Variants in ACSM6 observed in about 807,000 individuals in gnomAD.
ACSM6 encodes acyl-CoA synthetase medium chain family member 6, also known as acyl-coenzyme A synthetase ACSM6, mitochondrial.
A neutral mutation model predicts 51.1 loss-of-function variants in ACSM6; 35 were observed. The ratio of observed to expected loss-of-function variants is 0.69; its 90% confidence interval spans 0.52 to 0.91. ACSM6 has a LOEUF of 0.91. Among genes scored for constraint, ACSM6 ranks in the 40% least tolerant of loss-of-function variants. The probability of loss-of-function intolerance (pLI) is 0.00; values close to 1 mark genes in which losing one functional copy is unlikely to be tolerated. For synonymous variants in ACSM6, 172 were observed against 207.3 expected (o/e 0.83, Z 1.46); for missense variants, 509 against 584.1 (o/e 0.87, Z 1.32).
At chr10:95,225,494 T>C (rs2035029213) in intron 10 of ACSM6, 103 bp downstream of exon 10, 1 of 909,750 alleles carries the variant, frequency 1.1e-6, no homozygotes, top group Non-Finnish European at 1.6e-6. Flanking sequence ...TTTGTCCCAA[T>C]TTTTAATTTT....
rs1272721040 is a variant in ACSM6, at chr10:95,214,486, T to C, written c.996-366T>C. On this transcript the variant is annotated intron_variant, in intron 7 of 10. Transcript: ENST00000341686. ...CCACCTCCAGACTTCAGAAAATTAG[T>C]TCCTTTTTTACCTTACCATTGCTGA... 2.0e-5 allele frequency among the ~76,000 whole-genome samples: 3 copies of C among 152,328 alleles called. No individual in the cohort carries two copies. In the East Asian group the frequency reaches 5.8e-4, roughly 29 times the overall value.
chr10:95,228,406 G>A, intron 10 of ACSM6: 1 of 433,300 alleles, frequency 2.3e-6, no homozygotes, highest in South Asian at 4.2e-5. Flanking sequence ...TCTGAGTGAA[G>A]TGCCATCATT....
chr10:95,196,184 T>C (rs769081348), intron 2 of ACSM6, among the ~76,000 whole-genome samples: 11 of 152,226 alleles, frequency 7.2e-5, no homozygotes, highest in Admixed American at 2.6e-4. Context: ...AGAGCCTTGT[T>C]CCTTTGCTCA....
chr10:95,225,475 C>A, intron 10 of ACSM6, 84 bp downstream of exon 10: 1 of 994,630 alleles, frequency 1.0e-6, no homozygotes, highest in South Asian at 2.0e-5. Flanking sequence ...TTATGATTTG[C>A]CAAATACTTT....
intron 9 of ACSM6, among the ~76,000 whole-genome samples, chr10:95,222,837 G>A (rs973828162): frequency 2.1e-5 from 3 of 142,752 alleles, no homozygotes; most frequent in Non-Finnish European, 4.4e-5. Flanking sequence ...GATATATTAA[G>A]TGTTCTTATT....
intron 3 of ACSM6, 43 bp from the exon 4 acceptor site, chr10:95,207,165 C>A: frequency 6.3e-7 from 1 of 1,593,120 alleles, no homozygotes; most frequent in Non-Finnish European, 8.6e-7. Context: ...AAATTCTCTA[C>A]TCAAAAGATA....
chr10:95,197,783 G>T (rs61871155), intron 2 of ACSM6, among the ~76,000 whole-genome samples: 14 of 151,102 alleles, frequency 9.3e-5, no homozygotes, highest in African/African-American at 2.2e-4. Context: ...ACGGGTGTCG[G>T]GCTGGGGGAC....
At chr10:95,199,164 T>C (rs905022247) in intron 2 of ACSM6, among the ~76,000 whole-genome samples, 3 of 152,146 alleles carry the variant, frequency 2.0e-5, no homozygotes, top group Non-Finnish European at 4.4e-5. Context: ...TATAGATCAA[T>C]GGAACAAAAC....
chr10:95,202,263 A>G, intron 3 of ACSM6, 68 bp downstream of exon 3: 1 of 1,326,542 alleles, frequency 7.5e-7, no homozygotes, highest in Non-Finnish European at 1.1e-6. Flanking sequence ...TTATTCACAG[A>G]ATGGAGATGT....
chr10:95,201,157 G>A (rs1015087562), intron 2 of ACSM6, among the ~76,000 whole-genome samples: 1 of 152,204 alleles, frequency 6.6e-6, no homozygotes. Flanking sequence ...ACAGGATCAT[G>A]CCCTGAGAAA....
intron 2 of ACSM6, among the ~76,000 whole-genome samples, chr10:95,198,860 A>G (rs1049081957): frequency 6.6e-6 from 1 of 152,060 alleles, no homozygotes; most frequent in African/African-American, 2.4e-5. Context: ...ATAATAAGAA[A>G]CTCTATGGAA....
At chr10:95,214,221 T>C (rs1409064706) in intron 7 of ACSM6, among the ~76,000 whole-genome samples, 2 of 152,228 alleles carry the variant, frequency 1.3e-5, no homozygotes, top group African/African-American at 4.8e-5. Flanking sequence ...TTACCATTAA[T>C]ATGGTACATT....
chr10:95,201,677 T>C (rs1311656872), intron 2 of ACSM6: 1 of 517,992 alleles, frequency 1.9e-6, no homozygotes, highest in South Asian at 1.6e-5. Flanking sequence ...AGACACCCAG[T>C]AGTGGGATTT....
intron 10 of ACSM6, among the ~76,000 whole-genome samples, chr10:95,227,188 T>A (rs1222132374): frequency 6.6e-6 from 1 of 152,158 alleles, no homozygotes; most frequent in African/African-American, 2.4e-5. Flanking sequence ...GGTTTTACCA[T>A]GTTGGCCAGG....
intron 9 of ACSM6, among the ~76,000 whole-genome samples, chr10:95,223,728 C>T (rs940418355): frequency 6.6e-6 from 1 of 152,070 alleles, no homozygotes; most frequent in Non-Finnish European, 1.5e-5. Context: ...TCAGACTCAA[C>T]AGTAAAAAAC....
chr10:95,198,648 CA>C (rs11357937), intron 2 of ACSM6, among the ~76,000 whole-genome samples: 129,828 of 138,496 alleles, frequency 0.94, 60,740 homozygotes, highest in East Asian at 0.99. Context: ...AAGACTGTCT[CA>C]AAAAAAAAAA....
At chr10:95,197,455 CAT>C (rs774595493) in intron 2 of ACSM6, among the ~76,000 whole-genome samples, 8 of 152,034 alleles carry the variant, frequency 5.3e-5, no homozygotes, top group Non-Finnish European at 1.2e-4. Context: ...CAGCAACAAA[CAT>C]GTGAGCAATA....
exon 11 of ACSM6, chr10:95,228,900 A>G: frequency 4.6e-6 from 5 of 1,094,310 alleles, no homozygotes; most frequent in Non-Finnish European, 6.1e-6. Context: ...ACAACCAAAA[A>G]TAAAAAAATA....
At chr10:95,210,741 A>G (rs1379328420) in exon 5 of ACSM6, 1 of 1,613,718 alleles carries the variant, frequency 6.2e-7, no homozygotes, top group Non-Finnish European at 8.5e-7. Flanking sequence ...AGCTCCCAAA[A>G]TGGTCGAGTA....
Sources: gnomAD v4.1 joint callset for allele counts (sites outside exome capture counted in the v4.1 genomes callset) on GRCh38, gnomAD v4.1.1 for gene constraint, MANE v1.5 for transcripts, NCBI Gene and HGNC (gene_info 2026-07-23, HGNC 2026-07-21) for gene names.